The following VEGFB variants were observed in gnomAD, a reference collection of about 807,000 sequenced individuals.
The protein encoded by VEGFB is VEGF-related factor.
In VEGFB, 24 loss-of-function variants were observed where a neutral mutation model predicts 22.5. The ratio of observed to expected loss-of-function variants is 1.07; its 90% CI spans 0.77 to 1.50. The LOEUF is 1.50. VEGFB is among the 40% of genes most tolerant of loss of function. The pLI, the probability that VEGFB is intolerant of heterozygous loss-of-function variation, is 0.00. For synonymous variants in VEGFB, 141 were observed against 117.4 expected (o/e 1.20, Z -1.30); for missense variants, 327 against 287.8 (o/e 1.14, Z -0.99).
Position 64,237,489 on chromosome 11 carries a change from C to T in VEGFB, c.480C>T (p.Pro160=), listed in dbSNP as rs775031083. 1.9e-6 allele frequency: 3 copies of T among 1,612,394 alleles called. No homozygotes were observed. Among genetic ancestry groups the T allele is most frequent in the East Asian group, 4.5e-5 (2 of 44,860 alleles). ...VPGWDSAPGA[P]SPADITHPTP... is the part of the protein sequence containing the mutation. Reference sequence around the variant, plus strand: ...GCTGGGACTCTGCCCCCGGAGCACCCTCCCCAGCTGACATCACCCATCCCA... The same window carrying T: ...GCTGGGACTCTGCCCCCGGAGCACCTTCCCCAGCTGACATCACCCATCCCA... The change falls in exon 6 of 7, where the codon CCC becomes CCT. Residue 160 remains proline, a synonymous_variant. Transcript: ENST00000309422.
In VEGFB at chr11:64,237,674, GGT is replaced by G; in HGVS notation, c.*22+22_*22+23del. On this transcript the variant is annotated intron_variant, in intron 6 of 6. Coordinates refer to ENST00000309422, the MANE Select transcript of VEGFB (RefSeq NM_003377.5). The stretch of plus-strand genomic sequence containing the variant: ...CCTGCAGGTGAGGCGTCTGTGGGGT[GGT>G]GTTTGTTTGGGAAGGCACCAAGGCC... 1 of 1,505,422 alleles carries G rather than the reference GGT, an allele frequency of 6.6e-7. No homozygotes were observed. The highest frequency in any genetic ancestry group is 1.2e-5 in the South Asian group (1 of 83,204). The allele number at this position is 1,505,422 out of a possible 1,614,324, so 93.3% of individuals were successfully genotyped here. A position where few individuals can be genotyped will look rare whatever the true frequency, so the allele number is the denominator to read the frequency against.
rs2030185556 is a variant in VEGFB at position 64,237,450 on chromosome 11, C to A, written c.441C>A (p.Pro147=). The A allele has an allele frequency of 1.9e-6, 3 of 1,609,046 alleles. No homozygotes were observed. In the East Asian group the frequency reaches 6.7e-5, roughly 36 times the overall value. The change falls in exon 6 of 7, where the codon CCC becomes CCA. Residue 147 remains proline, a synonymous_variant. Transcript: ENST00000309422. ...RAATPHHRPQ[P]RSVPGWDSAP... is the part of the protein sequence containing the mutation. ...CCACTCCCCACCACCGTCCCCAGCC[C>A]CGTTCTGTTCCGGGCTGGGACTCTG...
intron 4 of VEGFB, 94 bp downstream of exon 4, chr11:64,236,421 A>G: frequency 7.8e-7 from 1 of 1,288,450 alleles, no homozygotes; most frequent in East Asian, 2.4e-5. Flanking sequence ...GGTTCCTAAG[A>G]GTAGAACCAA....
chr11:64,234,952 G>T lies in VEGFB; in HGVS notation c.60+59G>T. The T allele has an allele frequency of 8.0e-7, 1 of 1,247,000 alleles. No homozygotes were observed. The highest frequency in any genetic ancestry group is 2.7e-5 in the South Asian group (1 of 36,540). The allele number at this position is 1,247,000 out of a possible 1,614,324, so 77.2% of individuals were successfully genotyped here. A position where few individuals can be genotyped will look rare whatever the true frequency, so the allele number is the denominator to read the frequency against. On this transcript the variant is annotated intron_variant, in intron 1 of 6. Transcript: ENST00000309422. This position sits in a 1 kb window ranked among gnomAD's most constrained non-coding sequence, Gnocchi z 5.3. ...GCCGTGCCCTCTCTCAAGGTTGGCG[G>T]AAGTGAGGAGGCGACCCGCGGCCTC...
chr11:64,235,617 C>T, intron 2 of VEGFB, 117 bp downstream of exon 2: 1 of 1,302,292 alleles, frequency 7.7e-7, no homozygotes. Flanking sequence ...ATTATTCTAC[C>T]CATTTCACAG....
Position 64,234,996 on chromosome 11 carries a change from G to C in VEGFB, c.60+103G>C. On this transcript the variant is annotated intron_variant, in intron 1 of 6. Coordinates refer to ENST00000309422, the MANE Select transcript of VEGFB (RefSeq NM_003377.5). This position sits in a 1 kb window ranked among gnomAD's most constrained non-coding sequence, Gnocchi z 5.3. ...CGGCCTCGGCCGAGGGGATCTGCGGGGTCCGGCCTTGGACGCGGGCGTCTC... is the reference window on the plus strand; with the variant it reads ...CGGCCTCGGCCGAGGGGATCTGCGGCGTCCGGCCTTGGACGCGGGCGTCTC... The C allele has an allele frequency of 1.9e-6, 2 of 1,026,384 alleles. No individual in the cohort carries two copies. The highest frequency in any genetic ancestry group is 1.2e-6 in the Non-Finnish European group (1 of 803,992). 63.6% of individuals were successfully genotyped at this position (1,026,384 alleles called of 1,614,324 possible).
At position 64,237,116 on chromosome 11, in the gene VEGFB, AGAGAGAGTAG is replaced by A. The variant is rs1263815124; in HGVS notation, c.375-68_375-59del. On this transcript the variant is annotated intron_variant, in intron 4 of 6. Coordinates refer to ENST00000309422, the MANE Select transcript of VEGFB (RefSeq NM_003377.5). ...GAGAGAGAGAGAGAGAGAGAGAGAG[AGAGAGAGTAG>A]GATGCTGGGATTTCCTGATCTTCCT... 14 of 694,160 alleles carry A rather than the reference AGAGAGAGTAG, an allele frequency of 2.0e-5. 1 individual carries two copies. Among genetic ancestry groups the A allele is most frequent in the East Asian group, 1.1e-4 (4 of 35,404 alleles). 43.0% of individuals were successfully genotyped at this position (694,160 alleles called of 1,614,324 possible).
intron 1 of VEGFB, 76 bp from the exon 2 acceptor site, chr11:64,235,382 G>T: frequency 7.0e-7 from 1 of 1,424,896 alleles, no homozygotes; most frequent in South Asian, 1.2e-5. Context: ...TGATGCAAGG[G>T]CAAAGCCCCA....
chr11:64,237,455 C>G lies in VEGFB; in HGVS notation c.446C>G (p.Ser149Cys), dbSNP rs762274231. The G allele has an allele frequency of 6.2e-7, 1 of 1,610,146 alleles. No homozygotes were observed. The highest frequency in any genetic ancestry group is 1.7e-5 in the Admixed American group (1 of 59,904). ...ATPHHRPQPR[S>C]VPGWDSAPGA... ...CCCCACCACCGTCCCCAGCCCCGTT[C>G]TGTTCCGGGCTGGGACTCTGCCCCC... Residue 149 changes from serine (S) to cysteine (C), a missense_variant, in exon 6 of 7, where the codon TCT (serine) becomes TGT (cysteine). Ser to Cys is a moderately radical substitution (Grantham distance 112). Transcript: ENST00000309422.
chr11:64,238,069 T>G lies in VEGFB; in HGVS notation c.*23-287T>G, dbSNP rs1385340717. On this transcript the variant is annotated intron_variant, in intron 6 of 6. Coordinates refer to ENST00000309422, the MANE Select transcript of VEGFB (RefSeq NM_003377.5). ...GGCTTCAAGAGGCCAGGGGACATAG[T>G]GGAACCCTTGTCCACCCTTACCTGA... 2.6e-5 allele frequency among the ~76,000 whole-genome samples: 4 copies of G among 152,138 alleles called. No homozygotes were observed. The East Asian group carries it at 7.7e-4, about 29-fold the overall frequency.
intron 2 of VEGFB, 62 bp downstream of exon 2, chr11:64,235,562 C>G (rs1021836224): frequency 2.0e-6 from 3 of 1,526,148 alleles, no homozygotes; most frequent in Non-Finnish European, 2.7e-6. Context: ...GGCCCTGATT[C>G]CAGGTGTCCA....
Position 64,237,111 on chromosome 11 carries a change from G to C in VEGFB, c.375-76G>C, listed in dbSNP as rs994085092. 1.7e-5 allele frequency: 14 copies of C among 819,700 alleles called. 1 individual carries two copies. In the East Asian group the frequency reaches 2.0e-4, roughly 12 times the overall value. 50.8% of individuals were successfully genotyped at this position (819,700 alleles called of 1,614,324 possible). A position where few individuals can be genotyped will look rare whatever the true frequency, so the allele number is the denominator to read the frequency against. ...AGAGAGAGAGAGAGAGAGAGAGAGA[G>C]AGAGAGAGAGAGTAGGATGCTGGGA... On this transcript the variant is annotated intron_variant, in intron 4 of 6. Coordinates refer to ENST00000309422, the MANE Select transcript of VEGFB (RefSeq NM_003377.5).
At chr11:64,237,317 TTTCCCTTTTCCTC>T in intron 5 of VEGFB, 90 bp from the exon 6 acceptor site, 1 of 1,501,984 alleles carries the variant, frequency 6.7e-7, no homozygotes, top group Non-Finnish European at 9.2e-7. Flanking sequence ...CGTCCCCCAC[TTTCCCTTTTCCTC>T]TGCTCCCCAA....
chr11:64,235,700 G>T, intron 2 of VEGFB, 113 bp from the exon 3 acceptor site: 1 of 1,359,530 alleles, frequency 7.4e-7, no homozygotes, highest in Non-Finnish European at 1.0e-6. Flanking sequence ...TGTGAGGGCA[G>T]AGTGGGGAGG....
At chr11:64,237,343 C>T in intron 5 of VEGFB, 77 bp from the exon 6 acceptor site, 2 of 1,515,932 alleles carry the variant, frequency 1.3e-6, no homozygotes, top group African/African-American at 2.7e-5. Flanking sequence ...CTCCCCAAGC[C>T]TGTGTTCTCT....
Position 64,235,889 on chromosome 11 carries a change from C to T in VEGFB, c.180C>T (p.Leu60=), listed in dbSNP as rs372345703. ...REVVVPLTVE[L]MGTVAKQLVP... is the part of the protein sequence containing the mutation. The stretch of plus-strand genomic sequence containing the variant: ...TGGTGGTGCCCTTGACTGTGGAGCT[C>T]ATGGGCACCGTGGCCAAACAGCTGG... The change falls in exon 3 of 7, where the codon CTC becomes CTT. Residue 60 remains leucine, a synonymous_variant. Coordinates refer to ENST00000309422, the MANE Select transcript of VEGFB (RefSeq NM_003377.5). 7 of 1,613,746 alleles carry T rather than the reference C, an allele frequency of 4.3e-6. No individual in the cohort carries two copies. The highest frequency in any genetic ancestry group is 5.9e-6 in the Non-Finnish European group (7 of 1,180,024).
At position 64,237,166 on chromosome 11, in the gene VEGFB, T is replaced by C. The variant is rs914936005; in HGVS notation, c.375-21T>C. The C allele has an allele frequency of 5.7e-6, 9 of 1,588,072 alleles. 1 individual carries two copies. The highest frequency in any genetic ancestry group is 6.0e-6 in the Non-Finnish European group (7 of 1,164,916). On this transcript the variant is annotated intron_variant, in intron 4 of 6. Transcript: ENST00000309422. ...CTGATCTTCCTCTTGTTTGTCTGTG[T>C]CTGTCTATCTTACTTTTCAGACCTA...
chr11:64,237,127 G>GAGAGAC lies in VEGFB; in HGVS notation c.375-59_375-58insGAGACA, dbSNP rs1565318108. 4.9e-6 allele frequency: 4 copies of GAGAGAC among 813,128 alleles called. No homozygotes were observed. In the Admixed American group the frequency reaches 9.1e-5, roughly 19 times the overall value. The allele number at this position is 813,128 out of a possible 1,614,324, so 50.4% of individuals were successfully genotyped here. A position where few individuals can be genotyped will look rare whatever the true frequency, so the allele number is the denominator to read the frequency against. ...AGAGAGAGAGAGAGAGAGAGAGTAG[G>GAGAGAC]ATGCTGGGATTTCCTGATCTTCCTC... On this transcript the variant is annotated intron_variant, in intron 4 of 6. Coordinates refer to ENST00000309422, the MANE Select transcript of VEGFB (RefSeq NM_003377.5).
Position 64,237,141 on chromosome 11 carries a change from C to G in VEGFB, c.375-46C>G, listed in dbSNP as rs556558968. 7 of 1,405,516 alleles carry G rather than the reference C, an allele frequency of 5.0e-6. 1 individual carries two copies. In the African/African-American group the frequency reaches 6.6e-5, roughly 13 times the overall value. 87.1% of individuals were successfully genotyped at this position (1,405,516 alleles called of 1,614,324 possible). On this transcript the variant is annotated intron_variant, in intron 4 of 6. Coordinates refer to ENST00000309422, the MANE Select transcript of VEGFB (RefSeq NM_003377.5). ...AGAGAGAGTAGGATGCTGGGATTTC[C>G]TGATCTTCCTCTTGTTTGTCTGTGT...
Sources: gnomAD v4.1 joint callset for allele counts (sites outside exome capture counted in the v4.1 genomes callset) on GRCh38, gnomAD v4.1.1 for gene constraint, Gnocchi (gnomAD v3.1) non-coding constraint, MANE v1.5 for transcripts, NCBI Gene and HGNC (gene_info 2026-07-23, HGNC 2026-07-21) for gene names.